NAA38: variants seen among roughly 807,000 people sequenced by gnomAD.
The protein encoded by NAA38 is LSM domain containing 1.
In NAA38, 15 loss-of-function variants were observed where a neutral mutation model predicts 12.6. That is an observed-to-expected ratio of 1.19 (90% CI 0.79 to 1.83). The LOEUF (loss-of-function observed/expected upper bound fraction) is 1.83, where lower values mean the gene tolerates loss of function less well. NAA38 is among the 40% of genes most tolerant of loss of function. The probability of loss-of-function intolerance (pLI) is 0.00; values close to 1 mark genes in which losing one functional copy is unlikely to be tolerated. For synonymous variants in NAA38, 88 were observed against 69.9 expected (o/e 1.26, Z -1.29); for missense variants, 183 against 171.7 (o/e 1.07, Z -0.37).
At chr17:7,874,723 T>TGAA (rs1295756030) in intron 2 of NAA38, among the ~76,000 whole-genome samples, 1 of 151,122 alleles carries the variant, frequency 6.6e-6, no homozygotes, top group African/African-American at 2.4e-5. Context: ...CCATCTCTAC[T>TGAA]AAAAATACAA....
chr17:7,859,285 A>C, upstream of NAA38: 1 of 938,630 alleles, frequency 1.1e-6, no homozygotes, highest in Non-Finnish European at 1.6e-6. Context: ...AGAGTACCTG[A>C]AGCTGCTATC....
At chr17:7,884,910 A>G in intron 1 of NAA38, 1 of 1,289,322 alleles carries the variant, frequency 7.8e-7, no homozygotes, top group East Asian at 3.8e-5. Flanking sequence ...GAGGAGGAGG[A>G]GGTGGAGGCG....
chr17:7,869,754 C>T (rs1567816992), intron 2 of NAA38, among the ~76,000 whole-genome samples: 1 of 151,956 alleles, frequency 6.6e-6, no homozygotes, highest in African/African-American at 2.4e-5. Flanking sequence ...CAGAGCAAGA[C>T]TCCGTCTCCA....
chr17:7,858,880 CCAGGCCGATCTT>C, upstream of NAA38: 1 of 1,438,556 alleles, frequency 7.0e-7, no homozygotes, highest in Non-Finnish European at 9.3e-7. Context: ...CAGCAAATCT[CCAGGCCGATCTT>C]CAGGGCAACA....
rs772121369 is a variant in NAA38, at chr17:7,856,714, G to C, written c.*17C>G. ...GTCATAAGTTTAATGAAGTCTGAAA[G>C]GTAAGCGCCATCGTGGTCAGAGATA... On this transcript the variant is annotated 3_prime_UTR_variant, in exon 3 of 3. Transcript: ENST00000575771. 1.9e-6 allele frequency: 3 copies of C among 1,599,446 alleles called. No individual in the cohort carries two copies. Among genetic ancestry groups the C allele is most frequent in the Non-Finnish European group, 2.6e-6 (3 of 1,166,914 alleles).
upstream of NAA38, chr17:7,858,221 C>A: frequency 6.2e-7 from 1 of 1,614,008 alleles, no homozygotes; most frequent in African/African-American, 1.3e-5. Flanking sequence ...CCCAACATAA[C>A]AGGCCCGAAG....
chr17:7,865,998 TAC>T (rs1422999565), intron 3 of NAA38: 2 of 152,208 alleles, frequency 1.3e-5, no homozygotes, highest in East Asian at 1.9e-4. Context: ...TCTAGGAGCT[TAC>T]AGTTTAATGG....
chr17:7,869,569 C>T (rs1967048556), intron 2 of NAA38, among the ~76,000 whole-genome samples: 1 of 152,178 alleles, frequency 6.6e-6, no homozygotes, highest in South Asian at 2.1e-4. Context: ...CAAGACCAGC[C>T]TGGCCAACAT....
chr17:7,870,422 G>T (rs1967065570), intron 2 of NAA38, among the ~76,000 whole-genome samples: 1 of 152,054 alleles, frequency 6.6e-6, no homozygotes, highest in Non-Finnish European at 1.5e-5. Flanking sequence ...TAGCTAAAAG[G>T]CAGCAATAGA....
intron 1 of NAA38, chr17:7,883,438 G>A (rs1967348934): frequency 6.6e-6 from 1 of 152,018 alleles, no homozygotes; most frequent in Non-Finnish European, 1.5e-5. Context: ...AATTTCTCAA[G>A]TCAGTTGAAT....
intron 1 of NAA38, among the ~76,000 whole-genome samples, chr17:7,883,657 G>C (rs1354629972): frequency 1.3e-5 from 2 of 151,800 alleles, no homozygotes; most frequent in Admixed American, 6.6e-5. Flanking sequence ...AAAGAAAGCA[G>C]AAAAAAATCC....
At chr17:7,880,221 G>C (rs1305522655) in intron 2 of NAA38, among the ~76,000 whole-genome samples, 1 of 150,076 alleles carries the variant, frequency 6.7e-6, no homozygotes, top group Admixed American at 6.7e-5. Flanking sequence ...GAGGGGAGAG[G>C]GCCAATCAGA....
At chr17:7,885,304 T>TCCCCCGCCGCCGCCG (rs1967654629), upstream of NAA38, 1 of 66,134 alleles carries the variant, frequency 1.5e-5, no homozygotes, top group African/African-American at 7.6e-5. Context: ...GCCGCACCCC[T>TCCCCCGCCGCCGCCG]CCCCCGCCGC....
At position 7,867,716 on chromosome 17, in the gene NAA38, G is replaced by T. The variant is rs1208170442; in HGVS notation, c.-65-1158C>A. The stretch of plus-strand genomic sequence containing the variant: ...CTTGACTACAATGTCAAGAGAGAAG[G>T]AAATGAGGGAGAGAAAGTGGAGACA... On this transcript the variant is annotated intron_variant, in intron 2 of 4. Coordinates refer to the NAA38 transcript ENST00000576861. 4.6e-5 allele frequency among the ~76,000 whole-genome samples: 7 copies of T among 152,334 alleles called. No homozygotes were observed. The South Asian group carries it at 1.4e-3, about 32-fold the overall frequency.
At chr17:7,872,618 C>T (rs559376395) in intron 2 of NAA38, among the ~76,000 whole-genome samples, 3 of 152,350 alleles carry the variant, frequency 2.0e-5, no homozygotes, top group South Asian at 2.1e-4. Flanking sequence ...ACCTCGGCCT[C>T]GCAAAGTGCT....
chr17:7,874,916 C>G (rs1046210369), intron 2 of NAA38, among the ~76,000 whole-genome samples: 1 of 144,922 alleles, frequency 6.9e-6, no homozygotes, highest in Non-Finnish European at 1.5e-5. Flanking sequence ...AAAATTAGGT[C>G]GGGTGTGGTG....
intron 2 of NAA38, among the ~76,000 whole-genome samples, chr17:7,869,712 G>A (rs539004175): frequency 1.3e-5 from 2 of 151,452 alleles, no homozygotes; most frequent in African/African-American, 2.4e-5. Context: ...GCAGTGAGCC[G>A]AGATCACACC....
upstream of NAA38, chr17:7,885,377 C>A: frequency 6.5e-6 from 1 of 153,910 alleles, no homozygotes; most frequent in Non-Finnish European, 1.4e-5. Flanking sequence ...GCGCGAGCTG[C>A]GCGCGCGGAC....
rs557377388 is a variant in NAA38, at chr17:7,868,648, C to G, written c.-65-2090G>C. 1.3e-4 allele frequency among the ~76,000 whole-genome samples: 20 copies of G among 152,270 alleles called. 1 individual carries two copies. In the South Asian group the frequency reaches 3.7e-3, roughly 28 times the overall value. On this transcript the variant is annotated intron_variant, in intron 2 of 4. Coordinates refer to the NAA38 transcript ENST00000576861. ...ATAAGGAATGGGAACCTGCCCAGCACTATAAAGAGTCCTTGGAAAAGACAC... is the reference window on the plus strand; with the variant it reads ...ATAAGGAATGGGAACCTGCCCAGCAGTATAAAGAGTCCTTGGAAAAGACAC...
Sources: gnomAD v4.1 joint callset for allele counts (sites outside exome capture counted in the v4.1 genomes callset) on GRCh38, gnomAD v4.1.1 for gene constraint, MANE v1.5 for transcripts, NCBI Gene and HGNC (gene_info 2026-07-23, HGNC 2026-07-21) for gene names.